Variants in JAZF1 observed in about 807,000 individuals in gnomAD.
JAZF1 encodes JAZF zinc finger 1.
Under a neutral mutation model 26.4 loss-of-function variants are expected in JAZF1, and 8 were observed. The observed-to-expected ratio is 0.30, with a 90% CI of 0.18 to 0.55. The LOEUF (loss-of-function observed/expected upper bound fraction) is 0.55, where lower values mean the gene tolerates loss of function less well. JAZF1 is among the 20% of genes least tolerant of loss of function. JAZF1 has a pLI of 0.94. For synonymous variants in JAZF1, 126 were observed against 122.3 expected, an observed-to-expected ratio of 1.03 and a Z score of -0.20; for missense variants, 199 against 322.0, an observed-to-expected ratio of 0.62 and a Z score of 2.92.
chr7:28,000,407 A>C (rs1326342572), intron 1 of JAZF1, among the ~76,000 whole-genome samples: 1 of 152,118 alleles, frequency 6.6e-6, no homozygotes, highest in Admixed American at 6.5e-5. Context: ...CAATAATGTC[A>C]AAGTTGAGAA....
rs190922983 is a variant in JAZF1 at position 27,878,794 on chromosome 7, A to G, written c.385+16426T>C. ...ATGGAGTCACTCTCTGGCCTCTTTG[A>G]CTATCATTTTAAAAGAGAGCAGTAG... On this transcript the variant is annotated intron_variant, in intron 3 of 4. Transcript: ENST00000283928. Among the ~76,000 whole-genome samples, 239 of 152,250 alleles carry G rather than the reference A, an allele frequency of 1.6e-3. 1 individual carries two copies. The highest frequency in any genetic ancestry group is 5.4e-3 in the African/African-American group (223 of 41,548).
chr7:27,899,975 TG>T (rs918282668), intron 2 of JAZF1, among the ~76,000 whole-genome samples: 2 of 152,138 alleles, frequency 1.3e-5, no homozygotes, highest in African/African-American at 4.8e-5. Context: ...GCGGTTTACA[TG>T]GGGGCAGTGG....
rs147769850 is a variant in JAZF1 at position 28,160,248 on chromosome 7, C to T, written c.115+20215G>A. Among the ~76,000 whole-genome samples the T allele has an allele frequency of 4.5e-4, 69 of 152,270 alleles. 1 individual carries two copies. The highest frequency in any genetic ancestry group is 1.5e-3 in the African/African-American group (62 of 41,552). On this transcript the variant is annotated intron_variant, in intron 1 of 4. Transcript: ENST00000283928. ...ACATAGTGAAAAAAGAGTTGAGAAA[C>T]GTGAATTTGCATAAACACCCCAAAT...
chr7:27,960,357 A>G (rs1271446683), intron 2 of JAZF1, among the ~76,000 whole-genome samples: 1 of 152,260 alleles, frequency 6.6e-6, no homozygotes, highest in Non-Finnish European at 1.5e-5. Flanking sequence ...TGCCAAGGGC[A>G]CTACGTTTAT....
chr7:28,154,629 T>C (rs1425508437), intron 1 of JAZF1, among the ~76,000 whole-genome samples: 1 of 152,082 alleles, frequency 6.6e-6, no homozygotes, highest in East Asian at 1.9e-4. Context: ...ATGGGATCCT[T>C]TATTTTTCTG....
At chr7:27,886,701 A>AT (rs1783871465) in intron 3 of JAZF1, among the ~76,000 whole-genome samples, 1 of 152,206 alleles carries the variant, frequency 6.6e-6, no homozygotes, top group African/African-American at 2.4e-5. Flanking sequence ...GCCTGCTTCT[A>AT]TTAAGGGATG....
intron 1 of JAZF1, among the ~76,000 whole-genome samples, chr7:28,114,452 C>T (rs1784708771): frequency 6.6e-6 from 1 of 151,678 alleles, no homozygotes; most frequent in South Asian, 2.1e-4. Flanking sequence ...AGCTAGAACA[C>T]TCCAAAGAGG....
intron 1 of JAZF1, among the ~76,000 whole-genome samples, chr7:28,070,150 G>A (rs1783954400): frequency 6.6e-6 from 1 of 152,038 alleles, no homozygotes; most frequent in African/African-American, 2.4e-5. Flanking sequence ...CTTTTTCTTC[G>A]TTTATTTTCA....
At chr7:28,046,833 T>C (rs1583528723) in intron 1 of JAZF1, among the ~76,000 whole-genome samples, 1 of 152,344 alleles carries the variant, frequency 6.6e-6, no homozygotes, top group East Asian at 1.9e-4. Context: ...GTCTTTTCCT[T>C]ACTGATTTGT....
At chr7:28,084,637 A>C (rs1003411413) in intron 1 of JAZF1, among the ~76,000 whole-genome samples, 5 of 152,212 alleles carry the variant, frequency 3.3e-5, no homozygotes, top group African/African-American at 9.7e-5. Context: ...TGAGCTTCTA[A>C]GGGTGACCCC....
chr7:28,086,918 A>G (rs1784220560), intron 1 of JAZF1, among the ~76,000 whole-genome samples: 1 of 152,204 alleles, frequency 6.6e-6, no homozygotes, highest in African/African-American at 2.4e-5. Flanking sequence ...TAGTATTATA[A>G]GGGTGATGTA....
At chr7:28,132,477 G>A (rs1215584860) in intron 1 of JAZF1, among the ~76,000 whole-genome samples, 1 of 152,154 alleles carries the variant, frequency 6.6e-6, no homozygotes, top group East Asian at 1.9e-4. Context: ...CAACTTCAAG[G>A]ACATGGAAAG....
At chr7:28,118,543 C>T (rs564168453) in intron 1 of JAZF1, among the ~76,000 whole-genome samples, 55 of 152,040 alleles carry the variant, frequency 3.6e-4, no homozygotes, top group Admixed American at 1.6e-3. Flanking sequence ...TCTAACGTTC[C>T]CAATTATTTC....
At chr7:27,881,484 T>C (rs1324615779) in intron 3 of JAZF1, among the ~76,000 whole-genome samples, 1 of 152,212 alleles carries the variant, frequency 6.6e-6, no homozygotes, top group Non-Finnish European at 1.5e-5. Flanking sequence ...TGAAATACCA[T>C]TCATAGCATC....
chr7:28,068,703 A>AT (rs764710413), intron 1 of JAZF1, among the ~76,000 whole-genome samples: 8 of 151,854 alleles, frequency 5.3e-5, no homozygotes, highest in Non-Finnish European at 1.0e-4. Context: ...AGGAAATGTT[A>AT]TTTTTTAAAA....
chr7:28,030,113 C>T (rs1783164752), intron 1 of JAZF1, among the ~76,000 whole-genome samples: 1 of 152,122 alleles, frequency 6.6e-6, no homozygotes, highest in East Asian at 1.9e-4. Flanking sequence ...CCTGAGCAAA[C>T]CAGAAGCAGC....
chr7:28,141,331 GGT>G, intron 1 of JAZF1, among the ~76,000 whole-genome samples: 1 of 152,308 alleles, frequency 6.6e-6, no homozygotes, highest in African/African-American at 2.4e-5. Context: ...AAGCTATAGA[GGT>G]GGATTCTGAG....
At chr7:28,060,214 G>C (rs10238165) in intron 1 of JAZF1, among the ~76,000 whole-genome samples, 1 of 152,010 alleles carries the variant, frequency 6.6e-6, no homozygotes, top group South Asian at 2.1e-4. Context: ...CAATACTCTT[G>C]CTCCTTAGAC....
chr7:27,877,079 C>G (rs909382837), intron 3 of JAZF1, among the ~76,000 whole-genome samples: 8 of 152,138 alleles, frequency 5.3e-5, no homozygotes, highest in African/African-American at 1.9e-4. Flanking sequence ...ACCGAGAGGG[C>G]GCTAGACTTT....
Sources: allele counts gnomAD v4.1 joint callset (sites outside exome capture counted in the v4.1 genomes callset), GRCh38; gene constraint gnomAD v4.1.1; transcripts MANE v1.5; gene names NCBI Gene and HGNC (gene_info 2026-07-23, HGNC 2026-07-21).